Variants in RYR3 observed in about 807,000 individuals in gnomAD.
The protein encoded by RYR3 is brain ryanodine receptor-calcium release channel.
RYR3 carries 207 observed loss-of-function variants against 584.3 expected under a neutral mutation model. The ratio of observed to expected loss-of-function variants is 0.35; its 90% CI spans 0.32 to 0.40. The LOEUF (loss-of-function observed/expected upper bound fraction) is 0.40, where lower values mean the gene tolerates loss of function less well. Among genes scored for constraint, RYR3 ranks in the 10% least tolerant of loss-of-function variants. The pLI, the probability that RYR3 is intolerant of heterozygous loss-of-function variation, is 1.00. For synonymous variants in RYR3, 2,416 were observed against 2,248.5 expected (o/e 1.07, Z -2.11); for missense variants, 5,616 against 6,089.2 (o/e 0.92, Z 2.59).
intron 49 of RYR3, among the ~76,000 whole-genome samples, chr15:33,737,144 A>G (rs2152830674): frequency 6.6e-6 from 1 of 152,220 alleles, no homozygotes; most frequent in Non-Finnish European, 1.5e-5. Flanking sequence ...CTCACACTTG[A>G]GTGCAGTGGC....
rs554681047 is a variant in RYR3 at position 33,860,190 on chromosome 15, G to GT, written c.14300-404dup. Among the ~76,000 whole-genome samples the GT allele has an allele frequency of 5.2e-3, 796 of 152,326 alleles. 3 individuals carry two copies. The highest frequency in any genetic ancestry group is 8.9e-3 in the Non-Finnish European group (603 of 68,028). ...TGAGTCATGCTGAGTGGAGGAACCT[G>GT]TAAGACATGCAGGTGTTGAGGGCTA... is the stretch of plus-strand genomic sequence containing the variant. On this transcript the variant is annotated intron_variant, in intron 100 of 103. Coordinates refer to ENST00000634891, the MANE Select transcript of RYR3 (RefSeq NM_001036.6).
chr15:33,862,731 C>G (rs538921400), intron 102 of RYR3, among the ~76,000 whole-genome samples: 1 of 152,226 alleles, frequency 6.6e-6, no homozygotes, highest in Admixed American at 6.5e-5. Context: ...CTGCCTCAGC[C>G]TCCTGAGTAG....
At chr15:33,558,623 C>T (rs908708316) in intron 10 of RYR3, among the ~76,000 whole-genome samples, 8 of 152,210 alleles carry the variant, frequency 5.3e-5, no homozygotes, top group South Asian at 2.1e-4. Context: ...GACAGTGTGG[C>T]GATTCCTCAG....
chr15:33,798,105 G>A (rs867428463), intron 67 of RYR3, among the ~76,000 whole-genome samples: 1 of 123,094 alleles, frequency 8.1e-6, no homozygotes, highest in African/African-American at 3.1e-5. Context: ...TATTTTTTTT[G>A]AGATGGAGTC....
At chr15:33,533,456 A>C in intron 5 of RYR3, 67 bp downstream of exon 5, 3 of 1,079,554 alleles carry the variant, frequency 2.8e-6, no homozygotes, top group Non-Finnish European at 4.2e-6. Context: ...TTTGAGAAGG[A>C]CCCTGAATGC....
chr15:33,497,269 A>G (rs975324890), intron 2 of RYR3, among the ~76,000 whole-genome samples: 2 of 152,104 alleles, frequency 1.3e-5, no homozygotes, highest in Non-Finnish European at 2.9e-5. Context: ...CCAGTGGGCT[A>G]TCTGCCAAGT....
chr15:33,802,196 C>G (rs763000524), intron 69 of RYR3: 31 of 638,476 alleles, frequency 4.9e-5, no homozygotes, highest in Admixed American at 7.9e-5. Context: ...GCTTAAGTTT[C>G]AAGACTTGCC....
intron 60 of RYR3, among the ~76,000 whole-genome samples, chr15:33,761,149 G>A (rs1197473020): frequency 6.6e-6 from 1 of 152,114 alleles, no homozygotes; most frequent in Non-Finnish European, 1.5e-5. Context: ...GAGAAAGCAG[G>A]AAAGATCTAA....
At chr15:33,756,064 G>T (rs115379730) in intron 58 of RYR3, among the ~76,000 whole-genome samples, 1 of 152,150 alleles carries the variant, frequency 6.6e-6, no homozygotes, top group Non-Finnish European at 1.5e-5. Flanking sequence ...GTTAGCCATC[G>T]CGCCCAGCCT....
intron 2 of RYR3, among the ~76,000 whole-genome samples, chr15:33,478,105 G>A (rs931274839): frequency 1.5e-5 from 2 of 137,058 alleles, no homozygotes; most frequent in East Asian, 3.9e-4. Context: ...CACTTGAGGG[G>A]GTTGGGGGGG....
chr15:33,422,452 A>C (rs1052072544), intron 1 of RYR3, among the ~76,000 whole-genome samples: 1 of 152,232 alleles, frequency 6.6e-6, no homozygotes, highest in Non-Finnish European at 1.5e-5. Context: ...AGTAGAATAC[A>C]GACATGCAAA....
At chr15:33,683,866 G>A (rs1402853738) in intron 38 of RYR3, among the ~76,000 whole-genome samples, 4 of 152,248 alleles carry the variant, frequency 2.6e-5, no homozygotes, top group African/African-American at 4.8e-5. Context: ...CCAGGCCCAC[G>A]GAGCCTTGCT....
In RYR3 at chr15:33,750,213, G is replaced by T; in HGVS notation, c.8326G>T (p.Glu2776Ter). The change falls in exon 57 of 104, where the codon GAA becomes TAA. Residue 2776 changes from glutamate (E) to a stop codon, truncating the protein, a stop_gained. Transcript: ENST00000634891. LOFTEE classifies it high-confidence loss of function. Reference sequence around the variant, plus strand: ...ACCATATGACACCTTGACTGCCAAGGAAAAGTTCAAGGACCGGGAGAAGGC... The same window carrying T: ...ACCATATGACACCTTGACTGCCAAGTAAAAGTTCAAGGACCGGGAGAAGGC... Reference protein sequence around the residue: ...LVPYDTLTAKEKFKDREKAQD... With the variant: ...LVPYDTLTAK 6.2e-7 allele frequency: 1 copy of T among 1,610,010 alleles called. No homozygotes were observed. Among genetic ancestry groups the T allele is most frequent in the Non-Finnish European group, 8.5e-7 (1 of 1,178,210 alleles).
intron 80 of RYR3, among the ~76,000 whole-genome samples, chr15:33,822,779 G>A (rs1329025321): frequency 2.0e-5 from 3 of 152,200 alleles, no homozygotes; most frequent in Non-Finnish European, 4.4e-5. Flanking sequence ...CCAAATAGAA[G>A]GGACTTCAAT....
rs183518624 is a variant in RYR3, at chr15:33,693,008, T to C, written c.5861-3210T>C. On this transcript the variant is annotated intron_variant, in intron 38 of 103. Transcript: ENST00000634891. Reference sequence around the variant, plus strand: ...AATTCCACCAGATCTGATTATTGCTTTTCCAGTGTGGCAGGGACTGGGATA... The same window carrying C: ...AATTCCACCAGATCTGATTATTGCTCTTCCAGTGTGGCAGGGACTGGGATA... Among the ~76,000 whole-genome samples the C allele has an allele frequency of 1.8e-4, 28 of 152,308 alleles. No individual in the cohort carries two copies. In the East Asian group the frequency reaches 5.2e-3, roughly 28 times the overall value.
At chr15:33,379,687 C>CTCTCTCTATATATATATATATA in intron 1 of RYR3, among the ~76,000 whole-genome samples, 6 of 125,522 alleles carry the variant, frequency 4.8e-5, no homozygotes, top group African/African-American at 1.1e-4. Flanking sequence ...CTCTCTCTCT[C>CTCTCTCTATATATATATATATA]TATATATATA....
At chr15:33,674,636 G>C (rs1043529077) in intron 38 of RYR3, among the ~76,000 whole-genome samples, 1 of 152,050 alleles carries the variant, frequency 6.6e-6, no homozygotes, top group Non-Finnish European at 1.5e-5. Flanking sequence ...GGAGGAAATG[G>C]GTATGGCTAG....
chr15:33,662,993 G>A, intron 35 of RYR3, 45 bp downstream of exon 35: 1 of 1,531,144 alleles, frequency 6.5e-7, no homozygotes, highest in East Asian at 2.3e-5. Flanking sequence ...TAGATCTTCT[G>A]CTTTGATCAA....
chr15:33,699,290 C>A (rs1221459863), intron 40 of RYR3, among the ~76,000 whole-genome samples: 3 of 118,614 alleles, frequency 2.5e-5, no homozygotes, highest in Non-Finnish European at 5.0e-5. Flanking sequence ...CTCACTCTCT[C>A]CTCTTTCTCT....
Sources: allele counts gnomAD v4.1 joint callset (sites outside exome capture counted in the v4.1 genomes callset), GRCh38; gene constraint gnomAD v4.1.1; transcripts MANE v1.5; gene names NCBI Gene and HGNC (gene_info 2026-07-23, HGNC 2026-07-21).